Variants in ATF7IP2 observed in about 807,000 individuals in gnomAD.
ATF7IP2 encodes activating transcription factor 7 interacting protein 2.
A neutral mutation model predicts 64.2 loss-of-function variants in ATF7IP2; 42 were observed. The observed-to-expected ratio is 0.65, with a 90% CI of 0.51 to 0.85. ATF7IP2 has a LOEUF of 0.85. Among genes scored for constraint, ATF7IP2 ranks in the 40% least tolerant of loss-of-function variants. ATF7IP2 has a pLI of 0.00. For synonymous variants in ATF7IP2, 308 were observed against 272.8 expected (o/e 1.13, Z -1.27); for missense variants, 933 against 784.2 (o/e 1.19, Z -2.27).
At chr16:10,466,793 T>C (rs1262344278) in intron 9 of ATF7IP2, among the ~76,000 whole-genome samples, 1 of 152,212 alleles carries the variant, frequency 6.6e-6, no homozygotes, top group Admixed American at 6.5e-5. Context: ...CAGTGTAGTT[T>C]TTTTCATAGA....
chr16:10,466,242 A>G (rs2049564921), intron 9 of ATF7IP2, among the ~76,000 whole-genome samples: 2 of 152,260 alleles, frequency 1.3e-5, no homozygotes. Context: ...TATCTATCAT[A>G]TGAATGTGCT....
At chr16:10,433,928 C>T (rs1247149832) in intron 6 of ATF7IP2, among the ~76,000 whole-genome samples, 1 of 152,128 alleles carries the variant, frequency 6.6e-6, no homozygotes, top group Non-Finnish European at 1.5e-5. Context: ...GTCAGTATTA[C>T]ACTCATATTT....
chr16:10,472,216 A>T, intron 10 of ATF7IP2, 33 bp downstream of exon 10: 1 of 1,104,188 alleles, frequency 9.1e-7, no homozygotes, highest in Non-Finnish European at 1.3e-6. Context: ...ATGATCTATC[A>T]AGTTAGAAGG....
intron 8 of ATF7IP2, among the ~76,000 whole-genome samples, chr16:10,440,740 C>T (rs907591128): frequency 6.6e-6 from 1 of 152,102 alleles, no homozygotes; most frequent in Non-Finnish European, 1.5e-5. Flanking sequence ...ATATATACAG[C>T]AAAGTTGAAA....
intron 8 of ATF7IP2, among the ~76,000 whole-genome samples, chr16:10,441,310 T>C (rs981572650): frequency 1.3e-5 from 2 of 152,230 alleles, no homozygotes; most frequent in African/African-American, 4.8e-5. Flanking sequence ...GTTCTATAGA[T>C]CCTTGAGGAA....
At chr16:10,420,859 A>G (rs1192225996) in intron 3 of ATF7IP2, among the ~76,000 whole-genome samples, 1 of 152,224 alleles carries the variant, frequency 6.6e-6, no homozygotes. Context: ...GGGCATCTGA[A>G]ATACTTTACC....
chr16:10,481,707 C>A (rs2050236812), intron 13 of ATF7IP2, 129 bp from the exon 14 acceptor site: 2 of 776,552 alleles, frequency 2.6e-6, no homozygotes, highest in Non-Finnish European at 4.0e-6. Flanking sequence ...AGGACTGGAT[C>A]CAGCCTCACA....
chr16:10,422,969 G>T (rs962990486), intron 3 of ATF7IP2, among the ~76,000 whole-genome samples: 1 of 152,238 alleles, frequency 6.6e-6, no homozygotes, highest in Non-Finnish European at 1.5e-5. Flanking sequence ...TAGAGGCCAG[G>T]TGCAGTGGCT....
intron 2 of ATF7IP2, among the ~76,000 whole-genome samples, chr16:10,415,121 A>G (rs919070891): frequency 4.6e-5 from 7 of 152,218 alleles, no homozygotes; most frequent in African/African-American, 1.4e-4. Flanking sequence ...GAAATAGAGA[A>G]AACAATCCTA....
chr16:10,413,811 C>G lies in ATF7IP2; in HGVS notation c.-241-763C>G, dbSNP rs574863153. Among the ~76,000 whole-genome samples, 11 of 152,276 alleles carry G rather than the reference C, an allele frequency of 7.2e-5. No individual in the cohort carries two copies. In the South Asian group the frequency reaches 2.3e-3, roughly 32 times the overall value. The stretch of plus-strand genomic sequence containing the variant: ...TTATGAAGCTTAGTTTCACTGGATA[C>G]AAAACTCTTAGCTGATAATTGTTTT... On this transcript the variant is annotated intron_variant, in intron 1 of 13. Coordinates refer to ENST00000562102, the MANE Select transcript of ATF7IP2 (RefSeq NM_001393719.1).
At chr16:10,434,166 G>A (rs1027594913) in intron 6 of ATF7IP2, among the ~76,000 whole-genome samples, 5 of 152,174 alleles carry the variant, frequency 3.3e-5, no homozygotes, top group Admixed American at 6.5e-5. Context: ...ACATTTTGCT[G>A]TATAGCATCA....
intron 10 of ATF7IP2, among the ~76,000 whole-genome samples, chr16:10,472,906 C>G (rs1444485127): frequency 1.3e-5 from 2 of 150,198 alleles, no homozygotes; most frequent in African/African-American, 2.5e-5. Context: ...GATAACTTTT[C>G]TCTCTCTCAA....
chr16:10,459,588 A>G (rs2142019317), intron 9 of ATF7IP2, among the ~76,000 whole-genome samples: 1 of 152,270 alleles, frequency 6.6e-6, no homozygotes, highest in Middle Eastern at 3.4e-3. Context: ...CAGAGGCTGC[A>G]GTGAGCTGAG....
chr16:10,416,955 G>C (rs923869105), intron 2 of ATF7IP2, among the ~76,000 whole-genome samples: 1 of 152,212 alleles, frequency 6.6e-6, no homozygotes, highest in Non-Finnish European at 1.5e-5. Context: ...TCAGGGGATA[G>C]ATACCCCATT....
At chr16:10,451,104 G>T (rs533776440) in intron 8 of ATF7IP2, among the ~76,000 whole-genome samples, 2 of 152,250 alleles carry the variant, frequency 1.3e-5, no homozygotes. Flanking sequence ...GAAATTTTGG[G>T]TTGAAAATTC....
chr16:10,398,125 G>A (rs975566756), intron 1 of ATF7IP2, among the ~76,000 whole-genome samples: 9 of 152,004 alleles, frequency 5.9e-5, no homozygotes, highest in African/African-American at 9.6e-5. Flanking sequence ...CCAAGATGGC[G>A]AAACCCCATC....
rs1457103233 is a variant in ATF7IP2 at position 10,401,768 on chromosome 16, T to G, written c.-241-12806T>G. On this transcript the variant is annotated intron_variant, in intron 1 of 13. Transcript: ENST00000562102. ...TTGTTGTTGGGAGTCTTTTTTTTTT[T>G]TTTAATTGATTCAGTCTCACTAATT... Among the ~76,000 whole-genome samples, 3 of 151,702 alleles carry G rather than the reference T, an allele frequency of 2.0e-5. No homozygotes were observed. In the East Asian group the frequency reaches 5.8e-4, roughly 29 times the overall value.
At chr16:10,389,723 C>T (rs747530637) in intron 1 of ATF7IP2, among the ~76,000 whole-genome samples, 13 of 152,190 alleles carry the variant, frequency 8.5e-5, no homozygotes, top group Middle Eastern at 3.2e-3. Context: ...TGGCAAGCAA[C>T]TGCTTTATTT....
At position 10,453,722 on chromosome 16, in the gene ATF7IP2, A is replaced by G. The variant is rs927703093; in HGVS notation, c.1195-3650A>G. Among the ~76,000 whole-genome samples, 10 of 152,212 alleles carry G rather than the reference A, an allele frequency of 6.6e-5. No homozygotes were observed. In the South Asian group the frequency reaches 1.0e-3, roughly 16 times the overall value. On this transcript the variant is annotated intron_variant, in intron 8 of 13. Transcript: ENST00000562102. ...AACCTCCATCTCCTGGGTTCAAGCA[A>G]TTCTCCTACCTCAGCCTCCCGAGTA...
Sources: allele counts gnomAD v4.1 joint callset (sites outside exome capture counted in the v4.1 genomes callset), GRCh38; gene constraint gnomAD v4.1.1; transcripts MANE v1.5; gene names NCBI Gene and HGNC (gene_info 2026-07-23, HGNC 2026-07-21).